The following PRDM16 variants were observed in gnomAD, a reference collection of about 807,000 sequenced individuals.
PRDM16 encodes histone-lysine N-methyltransferase PRDM16.
Under a neutral mutation model 110.6 loss-of-function variants are expected in PRDM16, and 23 were observed. The ratio of observed to expected loss-of-function variants is 0.21; its 90% CI spans 0.15 to 0.29. The LOEUF is 0.29. PRDM16 is among the 10% of genes least tolerant of loss of function. PRDM16 has a pLI of 1.00. For missense variants in PRDM16, 1,615 were observed against 1,794.3 expected (o/e 0.90, Z 1.81); for synonymous variants, 799 against 781.8 (o/e 1.02, Z -0.37).
At chr1:3,407,942 A>T (rs145155799) in intron 8 of PRDM16, among the ~76,000 whole-genome samples, 1 of 152,330 alleles carries the variant, frequency 6.6e-6, no homozygotes, top group African/African-American at 2.4e-5. Flanking sequence ...ATGTGGGCAG[A>T]TCGGGTTTAT....
rs534040424 is a variant in PRDM16, at chr1:3,297,600, G to A, written c.438+53463G>A. Among the ~76,000 whole-genome samples the A allele has an allele frequency of 9.5e-4, 145 of 152,192 alleles. 8 individuals are homozygous for A. In the South Asian group the frequency reaches 0.029, roughly 31 times the overall value. On this transcript the variant is annotated intron_variant, in intron 3 of 16. Transcript: ENST00000270722. ...CGCCCGGCCTGATGAGAGGATTTTT[G>A]AGGACTGAGGGTGGCTTTATAGCAG...
intron 3 of PRDM16, among the ~76,000 whole-genome samples, chr1:3,284,044 T>C (rs1023028829): frequency 6.6e-6 from 1 of 151,852 alleles, no homozygotes; most frequent in African/African-American, 2.4e-5. Flanking sequence ...GTAGCGGGCC[T>C]GGGGGGGCCT....
At chr1:3,263,198 C>CG (rs1270260252) in intron 3 of PRDM16, among the ~76,000 whole-genome samples, 1 of 152,166 alleles carries the variant, frequency 6.6e-6, no homozygotes, top group Non-Finnish European at 1.5e-5. Context: ...TCTGAGTGCC[C>CG]GGGGATGGGA....
In PRDM16 at chr1:3,436,982, G is replaced by A. The variant is rs902177738; in HGVS notation, c.*3171G>A. ...TGCTCCTCAGACCCCAGCCCCCAGC[G>A]AGCCGACGTCCCCACCCGTTCCTGC... is the stretch of plus-strand genomic sequence containing the variant. On this transcript the variant is annotated 3_prime_UTR_variant, in exon 17 of 17. Coordinates refer to ENST00000270722, the MANE Select transcript of PRDM16 (RefSeq NM_022114.4). 2.6e-5 allele frequency: 6 copies of A among 233,244 alleles called. No homozygotes were observed. The highest frequency in any genetic ancestry group is 1.2e-4 in the East Asian group (2 of 16,570). The allele number at this position is 233,244 out of a possible 1,614,324, so 14.4% of individuals were successfully genotyped here.
chr1:3,375,455 G>A (rs942396306), intron 3 of PRDM16, among the ~76,000 whole-genome samples: 5 of 151,922 alleles, frequency 3.3e-5, no homozygotes, highest in Admixed American at 2.6e-4. Flanking sequence ...GGTCAGGGCT[G>A]CAGCCCATGG....
At chr1:3,092,940 C>T (rs1026865388) in intron 1 of PRDM16, among the ~76,000 whole-genome samples, 15 of 152,110 alleles carry the variant, frequency 9.9e-5, no homozygotes, top group Non-Finnish European at 2.2e-4. Flanking sequence ...GCTGCTACCT[C>T]GGGCCCCTGG....
intron 1 of PRDM16, among the ~76,000 whole-genome samples, chr1:3,093,319 T>C (rs1642319283): frequency 6.6e-6 from 1 of 152,186 alleles, no homozygotes. Flanking sequence ...AACGTTGCGA[T>C]GTTTGGTAGC....
At chr1:3,084,626 C>T (rs544165736) in intron 1 of PRDM16, among the ~76,000 whole-genome samples, 1 of 152,224 alleles carries the variant, frequency 6.6e-6, no homozygotes, top group Admixed American at 6.5e-5. Flanking sequence ...GCCAGGGAGG[C>T]ACCGTCCATT....
rs764309951 is a variant in PRDM16, at chr1:3,339,587, G to A, written c.439-45565G>A. On this transcript the variant is annotated intron_variant, in intron 3 of 16. Coordinates refer to ENST00000270722, the MANE Select transcript of PRDM16 (RefSeq NM_022114.4). The surrounding 1 kb of genome is among the most constrained non-coding windows in gnomAD (Gnocchi z 5.0). ...GGGAAGGAGCGTGGGAGGAGGCTGC[G>A]GAGCGACCATTGCCTTGGTCTCGCT... is the stretch of plus-strand genomic sequence containing the variant. 1.3e-5 allele frequency among the ~76,000 whole-genome samples: 2 copies of A among 151,954 alleles called. No homozygotes were observed. The highest frequency in any genetic ancestry group is 1.5e-5 in the Non-Finnish European group (1 of 68,002).
chr1:3,433,040 C>G (rs1274794671), intron 16 of PRDM16, among the ~76,000 whole-genome samples: 1 of 152,250 alleles, frequency 6.6e-6, no homozygotes, highest in East Asian at 1.9e-4. Flanking sequence ...AGGGGTGGCT[C>G]TTGTTGACCC....
intron 3 of PRDM16, among the ~76,000 whole-genome samples, chr1:3,378,291 C>CA (rs143591864): frequency 1.7e-3 from 258 of 152,300 alleles, no homozygotes; most frequent in African/African-American, 6.0e-3. Context: ...GGAGGGCCAC[C>CA]AAGCTGGGGA....
chr1:3,079,539 G>C (rs1012700064), intron 1 of PRDM16, among the ~76,000 whole-genome samples: 1 of 152,220 alleles, frequency 6.6e-6, no homozygotes, highest in Non-Finnish European at 1.5e-5. Flanking sequence ...CGCATGGAGC[G>C]GCCTGGCCCC....
chr1:3,404,549 C>A (rs969736054), intron 6 of PRDM16, among the ~76,000 whole-genome samples, 190 bp from the exon 7 acceptor site: 1 of 152,182 alleles, frequency 6.6e-6, no homozygotes, highest in Admixed American at 6.5e-5. Context: ...AGGGGAAGGC[C>A]GCCTCTGCCC....
At chr1:3,259,741 G>C (rs1041760130) in intron 3 of PRDM16, among the ~76,000 whole-genome samples, 6 of 151,824 alleles carry the variant, frequency 4.0e-5, no homozygotes, top group Non-Finnish European at 7.4e-5. Context: ...CCCACAACCA[G>C]CCCCAAGCAA....
Position 3,106,312 on chromosome 1 carries a change from G to A in PRDM16, c.37+37016G>A, listed in dbSNP as rs564104577. Reference sequence around the variant, plus strand: ...CTGAAGGAGAGACACAGGCTAGGAGGGAGGGGAGCTCCCTGGGCAGAGGGG... The same window carrying A: ...CTGAAGGAGAGACACAGGCTAGGAGAGAGGGGAGCTCCCTGGGCAGAGGGG... On this transcript the variant is annotated intron_variant, in intron 1 of 16. Transcript: ENST00000270722. Among the ~76,000 whole-genome samples, 163 of 152,332 alleles carry A rather than the reference G, an allele frequency of 1.1e-3. 1 individual carries two copies. The highest frequency in any genetic ancestry group is 3.7e-3 in the African/African-American group (153 of 41,584).
At chr1:3,196,972 G>A (rs920150880) in intron 2 of PRDM16, among the ~76,000 whole-genome samples, 1 of 152,196 alleles carries the variant, frequency 6.6e-6, no homozygotes, top group East Asian at 1.9e-4. Context: ...CTGTTGCCCA[G>A]GGGGGTCTGT....
At chr1:3,341,854 G>A (rs905531866) in intron 3 of PRDM16, among the ~76,000 whole-genome samples, 6 of 152,238 alleles carry the variant, frequency 3.9e-5, no homozygotes, top group South Asian at 4.1e-4. Context: ...TAAGATTTCC[G>A]AGGACATCTG....
intron 3 of PRDM16, among the ~76,000 whole-genome samples, chr1:3,303,952 G>A (rs1454664750): frequency 8.0e-6 from 1 of 124,292 alleles, no homozygotes; most frequent in Non-Finnish European, 1.5e-5. Flanking sequence ...AAGCCCTGGT[G>A]TGCCTTCTGA....
intron 3 of PRDM16, among the ~76,000 whole-genome samples, chr1:3,277,283 G>A (rs1007796344): frequency 1.3e-5 from 2 of 152,134 alleles, no homozygotes; most frequent in Admixed American, 6.5e-5. Context: ...TGGCTGCTGC[G>A]CCACCCGGGG....
Sources: gnomAD v4.1 joint callset for allele counts (sites outside exome capture counted in the v4.1 genomes callset) on GRCh38, gnomAD v4.1.1 for gene constraint, Gnocchi (gnomAD v3.1) non-coding constraint, MANE v1.5 for transcripts, NCBI Gene and HGNC (gene_info 2026-07-23, HGNC 2026-07-21) for gene names.